IQCN: variants seen among roughly 807,000 people sequenced by gnomAD.
The protein encoded by IQCN is IQ domain-containing protein N.
A neutral mutation model predicts 64.4 loss-of-function variants in IQCN; 46 were observed. The ratio of observed to expected loss-of-function variants is 0.71; its 90% CI spans 0.56 to 0.91. IQCN has a LOEUF of 0.91. Ranked by LOEUF, IQCN falls within the 40% of genes least tolerant of loss-of-function variation. The pLI, the probability that IQCN is intolerant of heterozygous loss-of-function variation, is 0.00. For synonymous variants in IQCN, 733 were observed against 775.6 expected (o/e 0.95, Z 0.91); for missense variants, 1,753 against 1,857.4 (o/e 0.94, Z 1.03).
chr19:18,273,317 T>C (rs12981406), intron 1 of IQCN, among the ~76,000 whole-genome samples: 35,780 of 148,876 alleles, frequency 0.24, 4,287 homozygotes, highest in South Asian at 0.39. Flanking sequence ...CAGGCATGAG[T>C]CACCATGCCC....
chr19:18,258,431 T>G, intron 3 of IQCN: 1 of 579,866 alleles, frequency 1.7e-6, no homozygotes. Flanking sequence ...CAGAACTTTC[T>G]AGCAGTTCTG....
intron 1 of IQCN, among the ~76,000 whole-genome samples, chr19:18,269,971 C>G (rs775486011): frequency 4.1e-5 from 6 of 146,156 alleles, no homozygotes; most frequent in Non-Finnish European, 7.4e-5. Context: ...AATCCCAGCA[C>G]TTTGGGAGGC....
chr19:18,267,516 G>A lies in IQCN; in HGVS notation c.24C>T (p.Asp8=), dbSNP rs749166362. MTLQGRA[D]LSGNQGNAAG... ...CTGCATTGCCTTGATTACCGGACAG[G>A]TCAGCTCTGCCTGTGGGGGCGGCAG... The change falls in exon 3 of 4, where the codon GAC becomes GAT. Residue 8 remains aspartate, a synonymous_variant. Transcript: ENST00000392413. 4 of 1,520,814 alleles carry A rather than the reference G, an allele frequency of 2.6e-6. No homozygotes were observed. The highest frequency in any genetic ancestry group is 3.5e-6 in the Non-Finnish European group (4 of 1,137,040). 94.2% of individuals were successfully genotyped at this position (1,520,814 alleles called of 1,614,324 possible).
rs868843863 is a variant in IQCN, at chr19:18,267,691, T to C, written c.14-165A>G. The C allele has an allele frequency of 1.7e-5, 13 of 756,532 alleles. No homozygotes were observed. The African/African-American group carries it at 1.8e-4, about 10-fold the overall frequency. 46.9% of individuals were successfully genotyped at this position (756,532 alleles called of 1,614,324 possible). On this transcript the variant is annotated intron_variant, in intron 2 of 3. Transcript: ENST00000392413. ...TCCCTCTCCCAAGTGGTCTTTGCCA[T>C]CCTTATATCCACCTCTCATCACCCT...
chr19:18,267,780 CT>C (rs1969635763), intron 2 of IQCN: 1 of 354,038 alleles, frequency 2.8e-6, no homozygotes. Flanking sequence ...ACCTGCTTTT[CT>C]TTTTTCTTTT....
chr19:18,258,485 C>A, intron 3 of IQCN: 1 of 485,700 alleles, frequency 2.1e-6, no homozygotes, highest in South Asian at 1.6e-5. Context: ...TTTTAGGGCC[C>A]ATGGCGTCCC....
chr19:18,266,566 G>A lies in IQCN; in HGVS notation c.974C>T (p.Ala325Val). The A allele has an allele frequency of 6.2e-7, 1 of 1,613,498 alleles. No individual in the cohort carries two copies. ...QGPVKAETPKAPFQICPGPMI... is the reference protein window; with the variant it reads ...QGPVKAETPKVPFQICPGPMI... The stretch of plus-strand genomic sequence containing the variant: ...GGGCCCTGGACATATCTGGAAGGGG[G>A]CTTTGGGGGTCTCTGCTTTCACAGG... Residue 325 changes from alanine (A) to valine (V), a missense_variant, in exon 3 of 4, where the codon GCC becomes GTC. Coordinates refer to ENST00000392413, the MANE Select transcript of IQCN (RefSeq NM_001145304.2). This position sits in a 1 kb window ranked among gnomAD's most constrained non-coding sequence, Gnocchi z 4.3.
In IQCN at chr19:18,257,811, T is replaced by C. The variant is rs1172820882; in HGVS notation, c.3473A>G (p.His1158Arg). 2 of 1,610,528 alleles carry C rather than the reference T, an allele frequency of 1.2e-6. No homozygotes were observed. The highest frequency in any genetic ancestry group is 1.7e-6 in the Non-Finnish European group (2 of 1,179,362). The change falls in exon 4 of 4, where the codon CAC (histidine) becomes CGC (arginine). Residue 1158 changes from histidine (H) to arginine (R), a missense_variant. His to Arg is a conservative substitution (Grantham distance 29, BLOSUM62 0). Transcript: ENST00000392413. ...GATGGTCGTGGTGGCTCTGCAGAGG[T>C]GTGCCAGGTTCCGCCGCACACGGTA... ...RGYRVRRNLA[H>R]LCRATTTIQS...
intron 1 of IQCN, among the ~76,000 whole-genome samples, chr19:18,272,553 C>T (rs1261198892): frequency 2.0e-5 from 3 of 152,174 alleles, no homozygotes; most frequent in African/African-American, 7.2e-5. Flanking sequence ...GGTGTCTTCA[C>T]ACCTCTATCC....
In IQCN at chr19:18,266,257, C is replaced by T. The variant is rs201206942; in HGVS notation, c.1283G>A (p.Arg428Gln). ...TCPATITAKN[R>Q]PQVSLLASIM... ...GGAAGCCAGAAGGGAAACCTGAGGT[C>T]GGTTCTTTGCCGTGATGGTCGCAGG... The change falls in exon 3 of 4, where the codon CGA (arginine) becomes CAA (glutamine). Residue 428 changes from arginine to glutamine, a missense_variant. Arg to Gln is a conservative substitution (Grantham distance 43, BLOSUM62 1). Coordinates refer to ENST00000392413, the MANE Select transcript of IQCN (RefSeq NM_001145304.2). The surrounding 1 kb of genome is among the most constrained non-coding windows in gnomAD (Gnocchi z 4.3). 6 of 1,613,654 alleles carry T rather than the reference C, an allele frequency of 3.7e-6. No homozygotes were observed. Among genetic ancestry groups the T allele is most frequent in the South Asian group, 1.1e-5 (1 of 91,022 alleles).
Position 18,265,733 on chromosome 19 carries a change from C to G in IQCN, c.1807G>C (p.Ala603Pro). ...PRAAAELPLE[A>P]EKIKTGTQKQ... ...TGGGTGCCAGTCTTGATTTTCTCGG[C>G]TTCCAAAGGAAGCTCAGCTGCAGCC... The change falls in exon 3 of 4, where the codon GCC becomes CCC. Residue 603 changes from alanine (A) to proline (P), a missense_variant. By Grantham distance (27) the Ala-to-Pro change is conservative. Transcript: ENST00000392413. The surrounding 1 kb of genome is among the most constrained non-coding windows in gnomAD (Gnocchi z 4.7). 1 of 1,614,210 alleles carries G rather than the reference C, an allele frequency of 6.2e-7. No homozygotes were observed. Among genetic ancestry groups the G allele is most frequent in the Non-Finnish European group, 8.5e-7 (1 of 1,180,038 alleles).
rs143479651 is a variant in IQCN at position 18,257,762 on chromosome 19, G to A, written c.3522C>T (p.Ser1174=). 7.7e-4 allele frequency: 1,245 copies of A among 1,610,852 alleles called. 26 individuals are homozygous for A. The East Asian group carries it at 0.023, about 30-fold the overall frequency. Residue 1174 remains serine (S), a synonymous_variant, in exon 4 of 4, where the codon AGC becomes AGT. Coordinates refer to ENST00000392413, the MANE Select transcript of IQCN (RefSeq NM_001145304.2). ...AGTGCCGGGCTTGGTCCCGGCGGGT[G>A]CTGTAGCCGCGCCAGGCAGACTGGA... ...TTIQSAWRGY[S]TRRDQARHWQ... is the part of the protein sequence containing the mutation.
At chr19:18,258,263 C>T (rs1037770820) in intron 3 of IQCN, 157 bp from the exon 4 acceptor site, 6 of 799,476 alleles carry the variant, frequency 7.5e-6, no homozygotes, top group East Asian at 2.7e-5. Flanking sequence ...TCCGAACTCC[C>T]GGGGCCAGCG....
chr19:18,269,136 AAAGGAAAGAAGG>A (rs1969677145), intron 2 of IQCN, among the ~76,000 whole-genome samples: 1 of 144,190 alleles, frequency 6.9e-6, no homozygotes, highest in African/African-American at 2.6e-5. Context: ...GTGTCAAATA[AAAGGAAAGAAGG>A]AAGGAAGCAA....
rs755262230 is a variant in IQCN at position 18,266,076 on chromosome 19, C to A, written c.1464G>T (p.Val488=). The change falls in exon 3 of 4, where the codon GTG becomes GTT. Residue 488 remains valine (V), a synonymous_variant. Coordinates refer to ENST00000392413, the MANE Select transcript of IQCN (RefSeq NM_001145304.2). The surrounding 1 kb of genome is among the most constrained non-coding windows in gnomAD (Gnocchi z 4.3). ...GGCGGGTCTGGGGTGAGGGCTTGGTCACCCCAACTGGGCTCCTCTGGGATG... is the reference window on the plus strand; with the variant it reads ...GGCGGGTCTGGGGTGAGGGCTTGGTAACCCCAACTGGGCTCCTCTGGGATG... The part of the protein sequence containing the change: ...KTSSQRSPVG[V]TKPSPQTRLP... 1 of 1,613,114 alleles carries A rather than the reference C, an allele frequency of 6.2e-7. No homozygotes were observed. The highest frequency in any genetic ancestry group is 2.2e-5 in the East Asian group (1 of 44,782).
chr19:18,267,731 T>C (rs965945230), intron 2 of IQCN: 1 of 489,830 alleles, frequency 2.0e-6, no homozygotes, highest in African/African-American at 2.0e-5. Context: ...CCACTTCATC[T>C]TGGCACACAG....
chr19:18,257,539 C>T lies in IQCN; in HGVS notation c.3745G>A (p.Val1249Met), dbSNP rs750154943. 3 of 1,611,964 alleles carry T rather than the reference C, an allele frequency of 1.9e-6. No homozygotes were observed. Among genetic ancestry groups the T allele is most frequent in the South Asian group, 2.2e-5 (2 of 90,972 alleles). The change falls in exon 4 of 4, where the codon GTG becomes ATG. Residue 1249 changes from valine to methionine, a missense_variant. Val to Met is a conservative substitution (Grantham distance 21). Coordinates refer to ENST00000392413, the MANE Select transcript of IQCN (RefSeq NM_001145304.2). The stretch of plus-strand genomic sequence containing the variant: ...TGACAGGTGCGAGGGCTGGAGCCCA[C>T]TAGCATCACCACGCTGGGCGGGCTC... The part of the protein sequence containing the change: ...IGSPPSVVML[V>M]GSSPRTCHTC...
intron 3 of IQCN, chr19:18,259,857 G>A (rs1159967543): frequency 6.6e-6 from 1 of 152,292 alleles, no homozygotes; most frequent in East Asian, 1.9e-4. Flanking sequence ...GGTTCCAGAG[G>A]GATGTGTCAA....
At position 18,257,818 on chromosome 19, in the gene IQCN, G is replaced by T. The variant is rs1430201957; in HGVS notation, c.3466C>A (p.Leu1156Met). 2.0e-5 allele frequency: 33 copies of T among 1,611,126 alleles called. No homozygotes were observed. The highest frequency in any genetic ancestry group is 2.6e-5 in the Non-Finnish European group (31 of 1,179,574). Residue 1156 changes from leucine (L) to methionine (M), a missense_variant, in exon 4 of 4, where the codon CTG (leucine) becomes ATG (methionine). Coordinates refer to ENST00000392413, the MANE Select transcript of IQCN (RefSeq NM_001145304.2). Reference sequence around the variant, plus strand: ...GTGGTGGCTCTGCAGAGGTGTGCCAGGTTCCGCCGCACACGGTAGCCGCGC... The same window carrying T: ...GTGGTGGCTCTGCAGAGGTGTGCCATGTTCCGCCGCACACGGTAGCCGCGC... The part of the protein sequence containing the change: ...TWRGYRVRRN[L>M]AHLCRATTTI...
Sources: gnomAD v4.1 joint callset for allele counts (sites outside exome capture counted in the v4.1 genomes callset) on GRCh38, gnomAD v4.1.1 for gene constraint, Gnocchi (gnomAD v3.1) non-coding constraint, MANE v1.5 for transcripts, NCBI Gene and HGNC (gene_info 2026-07-23, HGNC 2026-07-21) for gene names.